KLHL29: variants seen among roughly 807,000 people sequenced by gnomAD.
The protein encoded by KLHL29 is kelch-like protein 29.
KLHL29 carries 21 observed loss-of-function variants against 80.4 expected under a neutral mutation model. That is an observed-to-expected ratio of 0.26 (90% CI 0.19 to 0.38). The LOEUF (loss-of-function observed/expected upper bound fraction) is 0.38, where lower values mean the gene tolerates loss of function less well. KLHL29 is among the 10% of genes least tolerant of loss of function. The pLI is 1.00. For synonymous variants in KLHL29, 511 were observed against 526.8 expected, an observed-to-expected ratio of 0.97 and a Z score of 0.41; for missense variants, 867 against 1,223.9, an observed-to-expected ratio of 0.71 and a Z score of 4.35.
chr2:23,524,371 C>CA, intron 2 of KLHL29: 1 of 180,950 alleles, frequency 5.5e-6, no homozygotes, highest in South Asian at 1.2e-4. Context: ...CCAGGAAATA[C>CA]CTTTAGGTCC....
chr2:23,586,526 AT>A (rs1668123775), intron 3 of KLHL29, among the ~76,000 whole-genome samples: 2 of 151,428 alleles, frequency 1.3e-5, no homozygotes. Context: ...TGCCCGGCTA[AT>A]TTTTGTATTT....
At chr2:23,662,229 A>C (rs1328187796) in intron 5 of KLHL29, among the ~76,000 whole-genome samples, 2 of 152,190 alleles carry the variant, frequency 1.3e-5, no homozygotes. Context: ...TCTTAACACA[A>C]ACTTCATCTC....
intron 2 of KLHL29, among the ~76,000 whole-genome samples, chr2:23,492,634 G>A (rs1285743310): frequency 1.3e-5 from 2 of 152,208 alleles, no homozygotes; most frequent in Non-Finnish European, 2.9e-5. Flanking sequence ...GTTCCATCTG[G>A]GGCTGGGTCC....
intron 1 of KLHL29, among the ~76,000 whole-genome samples, chr2:23,447,269 G>A (rs901979480): frequency 3.9e-5 from 6 of 152,162 alleles, no homozygotes; most frequent in Non-Finnish European, 5.9e-5. Context: ...TGTACATGAC[G>A]TGTTATCTCC....
intron 2 of KLHL29, among the ~76,000 whole-genome samples, chr2:23,515,644 T>C (rs1036401000): frequency 2.0e-5 from 3 of 152,232 alleles, no homozygotes; most frequent in Non-Finnish European, 4.4e-5. Flanking sequence ...CCCAGCACAA[T>C]TCCTGGCCCA....
chr2:23,692,825 G>T (rs1240390118), intron 7 of KLHL29, among the ~76,000 whole-genome samples: 1 of 152,194 alleles, frequency 6.6e-6, no homozygotes, highest in East Asian at 1.9e-4. Context: ...TATGCAAGAA[G>T]CTGGGAGGTG....
At position 23,695,883 on chromosome 2, in the gene KLHL29, G is replaced by A; in HGVS notation, c.1741+62G>A. On this transcript the variant is annotated intron_variant, in intron 9 of 13. Coordinates refer to ENST00000486442, the MANE Select transcript of KLHL29 (RefSeq NM_052920.2). The surrounding 1 kb of genome is among the most constrained non-coding windows in gnomAD (Gnocchi z 7.6). ...GTGTCTTGGGCTCAGTGGTTCCAGT[G>A]AGGTGCCAGGCACAGATGCCGACAG... The A allele has an allele frequency of 1.3e-6, 2 of 1,534,984 alleles. No homozygotes were observed. The highest frequency in any genetic ancestry group is 1.8e-6 in the Non-Finnish European group (2 of 1,139,230).
intron 1 of KLHL29, among the ~76,000 whole-genome samples, chr2:23,444,660 G>T (rs1338139577): frequency 6.6e-6 from 1 of 152,094 alleles, no homozygotes; most frequent in Non-Finnish European, 1.5e-5. Flanking sequence ...GCGTTAACAT[G>T]TTTACCTGTT....
intron 2 of KLHL29, among the ~76,000 whole-genome samples, chr2:23,550,673 TA>T (rs1667101215): frequency 6.6e-6 from 1 of 152,232 alleles, no homozygotes; most frequent in South Asian, 2.1e-4. Flanking sequence ...GACTTTTGAA[TA>T]GACTCTTGTC....
At chr2:23,654,430 T>C (rs1670175857) in intron 5 of KLHL29, among the ~76,000 whole-genome samples, 1 of 152,226 alleles carries the variant, frequency 6.6e-6, no homozygotes, top group Non-Finnish European at 1.5e-5. Flanking sequence ...ACAGGCAGGT[T>C]TCAGGAATTG....
chr2:23,708,014 T>G lies in KLHL29; in HGVS notation c.*1350T>G, dbSNP rs1345452352. On this transcript the variant is annotated 3_prime_UTR_variant, in exon 14 of 14. Transcript: ENST00000486442. The stretch of plus-strand genomic sequence containing the variant: ...GAGAATGCTGCCGCCACTGCGCTGT[T>G]GAGTTGAAGTTGGTACCAAATACAC... The G allele has an allele frequency of 1.3e-5, 2 of 152,240 alleles. No individual in the cohort carries two copies. The highest frequency in any genetic ancestry group is 2.9e-5 in the Non-Finnish European group (2 of 68,040). 9.4% of individuals were successfully genotyped at this position (152,240 alleles called of 1,614,324 possible).
intron 3 of KLHL29, among the ~76,000 whole-genome samples, chr2:23,637,313 GCTGT>G (rs1378272265): frequency 6.6e-6 from 1 of 152,172 alleles, no homozygotes; most frequent in Non-Finnish European, 1.5e-5. Flanking sequence ...CTCGTTAAAA[GCTGT>G]CTATTTGGAG....
chr2:23,601,098 T>C (rs1185649389), intron 3 of KLHL29, among the ~76,000 whole-genome samples: 3 of 152,158 alleles, frequency 2.0e-5, no homozygotes, highest in African/African-American at 7.2e-5. Context: ...GGAGTTGAAA[T>C]TGGGGTCTAT....
rs1411568790 is a variant in KLHL29, at chr2:23,642,622, C to T, written c.712C>T (p.Leu238=). 6.5e-7 allele frequency: 1 copy of T among 1,549,868 alleles called. No individual in the cohort carries two copies. Among genetic ancestry groups the T allele is most frequent in the East Asian group, 2.4e-5 (1 of 40,902 alleles). The change falls in exon 5 of 14, where the codon CTG becomes TTG. Residue 238 remains leucine, a synonymous_variant. Transcript: ENST00000486442. ...ASPQPLAVST[L]PGVGQVARPG... is the part of the protein sequence containing the mutation. ...CCCTCAGCCCCTGGCCGTGTCCACA[C>T]TGCCCGGTGTGGGGCAGGTGGCCCG...
At chr2:23,677,641 A>G (rs1195177009) in intron 5 of KLHL29, among the ~76,000 whole-genome samples, 3 of 152,192 alleles carry the variant, frequency 2.0e-5, no homozygotes, top group Non-Finnish European at 2.9e-5. Flanking sequence ...GAAGAAATGC[A>G]TATCTGATCA....
At chr2:23,482,951 G>A (rs1214072046) in intron 2 of KLHL29, among the ~76,000 whole-genome samples, 1 of 152,148 alleles carries the variant, frequency 6.6e-6, no homozygotes, top group Non-Finnish European at 1.5e-5. Context: ...TGCCTGCAAG[G>A]AGCTCTCAGT....
chr2:23,573,419 T>C (rs1013859684), intron 3 of KLHL29, among the ~76,000 whole-genome samples: 3 of 151,834 alleles, frequency 2.0e-5, no homozygotes, highest in Admixed American at 2.0e-4. Context: ...TGAGAAAGAC[T>C]AAGGAACTTG....
chr2:23,430,955 A>T (rs1168997297), intron 1 of KLHL29, among the ~76,000 whole-genome samples: 1 of 152,228 alleles, frequency 6.6e-6, no homozygotes, highest in Non-Finnish European at 1.5e-5. Context: ...GTTTACATTT[A>T]CTTCTTAAAA....
chr2:23,506,525 G>A (rs1239783121), intron 2 of KLHL29, among the ~76,000 whole-genome samples: 1 of 152,208 alleles, frequency 6.6e-6, no homozygotes, highest in Non-Finnish European at 1.5e-5. Context: ...CGCCTTGCCA[G>A]GGACAAGGAC....
Sources: allele counts gnomAD v4.1 joint callset (sites outside exome capture counted in the v4.1 genomes callset), GRCh38; gene constraint gnomAD v4.1.1; non-coding constraint Gnocchi (gnomAD v3.1); transcripts MANE v1.5; gene names NCBI Gene and HGNC (gene_info 2026-07-23, HGNC 2026-07-21).